ZFYVE16: variants seen among roughly 807,000 people sequenced by gnomAD.
The protein encoded by ZFYVE16 is zinc finger FYVE-type containing 16, also known as zinc finger FYVE domain-containing protein 16.
In ZFYVE16, 89 loss-of-function variants were observed where a neutral mutation model predicts 138.1. The ratio of observed to expected loss-of-function variants is 0.64; its 90% CI spans 0.54 to 0.77. The LOEUF is 0.77. Among genes scored for constraint, ZFYVE16 ranks in the 30% least tolerant of loss-of-function variants. The probability of loss-of-function intolerance (pLI) is 0.00; values close to 1 mark genes in which losing one functional copy is unlikely to be tolerated. For missense variants in ZFYVE16, 1,793 were observed against 1,786.7 expected, an observed-to-expected ratio of 1.00 and a Z score of -0.06; for synonymous variants, 596 against 618.3, an observed-to-expected ratio of 0.96 and a Z score of 0.53.
Position 80,452,820 on chromosome 5 carries a change from G to A in ZFYVE16, c.3607+1111G>A, listed in dbSNP as rs1752127636. On this transcript the variant is annotated intron_variant, in intron 11 of 18. Transcript: ENST00000505560. ...GTGATAGAGCCTGTATCATTCATGT[G>A]TATGTACGTGTGTGTATTTACTTAT... Among the ~76,000 whole-genome samples the A allele has an allele frequency of 2.0e-5, 3 of 152,102 alleles. No homozygotes were observed. The South Asian group carries it at 6.2e-4, about 31-fold the overall frequency.
intron 11 of ZFYVE16, chr5:80,454,189 C>A (rs1226596341): frequency 2.0e-5 from 3 of 152,082 alleles, no homozygotes; most frequent in African/African-American, 7.2e-5. Flanking sequence ...TGACTTAAGT[C>A]TTTAAAGCAG....
At chr5:80,427,643 A>C (rs1318250579) in intron 2 of ZFYVE16, 98 bp downstream of exon 2, 1 of 27,126 alleles carries the variant, frequency 3.7e-5, no homozygotes, top group Admixed American at 5.6e-4. Flanking sequence ...TTTTGCTCTT[A>C]GTTTATTAGT....
In ZFYVE16 at chr5:80,451,443, CAA is replaced by C. The variant is rs751414296; in HGVS notation, c.3383-39_3383-38del. Reference sequence around the variant, plus strand: ...TAAGAACATTTCTTCAAAACAATAACAAAACAACTTAAAATCTTTTTACTAAT... The same window carrying C: ...TAAGAACATTTCTTCAAAACAATAACAACAACTTAAAATCTTTTTACTAAT... On this transcript the variant is annotated intron_variant, in intron 10 of 18. Transcript: ENST00000505560. 114 of 1,499,596 alleles carry C rather than the reference CAA, an allele frequency of 7.6e-5. No homozygotes were observed. In the African/African-American group the frequency reaches 1.2e-3, roughly 16 times the overall value. 92.9% of individuals were successfully genotyped at this position (1,499,596 alleles called of 1,614,324 possible). A position where few individuals can be genotyped will look rare whatever the true frequency, so the allele number is the denominator to read the frequency against.
Position 80,437,570 on chromosome 5 carries a change from A to G in ZFYVE16, c.885A>G (p.Glu295=), listed in dbSNP as rs763202209. 1.9e-6 allele frequency: 3 copies of G among 1,614,026 alleles called. No homozygotes were observed. The African/African-American group carries it at 4.0e-5, about 22-fold the overall frequency. ...TAACTGCCGCAGAATGTTTAAAAGAAGAGGGCAAGACAAGTGCTTTGACCT... is the reference window on the plus strand; with the variant it reads ...TAACTGCCGCAGAATGTTTAAAAGAGGAGGGCAAGACAAGTGCTTTGACCT... ...AVITAAECLK[E]EGKTSALTCS... The change falls in exon 4 of 19, where the codon GAA becomes GAG. Residue 295 remains glutamate, a synonymous_variant. Coordinates refer to ENST00000505560, the MANE Select transcript of ZFYVE16 (RefSeq NM_001284236.3).
In ZFYVE16 at chr5:80,438,484, A is replaced by T. The variant is rs768401278; in HGVS notation, c.1799A>T (p.Asp600Val). ...HGINIICEIV[D>V]KQNTIENGLS... is the part of the protein sequence containing the mutation. ...ATTAATATAATTTGTGAAATAGTTG[A>T]TAAACAAAATACAATAGAAAATGGC... Residue 600 changes from aspartate to valine, a missense_variant, in exon 4 of 19, where the codon GAT becomes GTT. This residue lies in a region of ZFYVE16 where 1,295 missense variants were observed against 1,204.3 expected (regional missense o/e 1.08). Coordinates refer to ENST00000505560, the MANE Select transcript of ZFYVE16 (RefSeq NM_001284236.3). The T allele has an allele frequency of 1.9e-6, 3 of 1,613,546 alleles. No individual in the cohort carries two copies. Among genetic ancestry groups the T allele is most frequent in the Non-Finnish European group, 2.5e-6 (3 of 1,179,840 alleles).
chr5:80,472,541 G>C (rs1331992851), intron 15 of ZFYVE16, among the ~76,000 whole-genome samples: 1 of 148,222 alleles, frequency 6.7e-6, no homozygotes, highest in Non-Finnish European at 1.5e-5. Flanking sequence ...TTTCATCATA[G>C]CCAGAAGCAG....
intron 8 of ZFYVE16, among the ~76,000 whole-genome samples, chr5:80,449,304 G>A (rs1029327293): frequency 2.0e-5 from 3 of 151,988 alleles, no homozygotes; most frequent in African/African-American, 7.2e-5. Context: ...TTATAAAAAC[G>A]TTTGTCTTCA....
At chr5:80,461,721 A>T (rs533147981) in intron 15 of ZFYVE16, among the ~76,000 whole-genome samples, 2 of 152,126 alleles carry the variant, frequency 1.3e-5, no homozygotes, top group Non-Finnish European at 2.9e-5. Flanking sequence ...CACACCTGTA[A>T]TCCCAGCTCT....
intron 1 of ZFYVE16, among the ~76,000 whole-genome samples, chr5:80,414,600 T>A (rs1364512009): frequency 6.6e-6 from 1 of 152,214 alleles, no homozygotes; most frequent in African/African-American, 2.4e-5. Flanking sequence ...GCGTTTATAT[T>A]TATTCAGCAA....
At position 80,432,129 on chromosome 5, in the gene ZFYVE16, C is replaced by T. The variant is rs1471217159; in HGVS notation, c.-39-1980C>T. 2.6e-5 allele frequency among the ~76,000 whole-genome samples: 4 copies of T among 152,242 alleles called. No individual in the cohort carries two copies. The South Asian group carries it at 6.2e-4, about 24-fold the overall frequency. On this transcript the variant is annotated intron_variant, in intron 2 of 18. Coordinates refer to ENST00000505560, the MANE Select transcript of ZFYVE16 (RefSeq NM_001284236.3). ...CAAAAAAGGGCCCGCATTGCCAAGT[C>T]GATCCTAAGCCAAAAAAACAAAGCT...
At chr5:80,436,338 C>T (rs1749902001) in intron 3 of ZFYVE16, among the ~76,000 whole-genome samples, 1 of 152,082 alleles carries the variant, frequency 6.6e-6, no homozygotes, top group South Asian at 2.1e-4. Flanking sequence ...AGGAGTCCTC[C>T]CAAACAAAGC....
chr5:80,437,028 C>G lies in ZFYVE16; in HGVS notation c.343C>G (p.Gln115Glu), dbSNP rs1183020536. 6.2e-7 allele frequency: 1 copy of G among 1,614,134 alleles called. No homozygotes were observed. Among genetic ancestry groups the G allele is most frequent in the East Asian group, 2.2e-5 (1 of 44,874 alleles). The part of the protein sequence containing the change: ...SVDGGTSDEI[Q>E]PLYMGRCSKP... ...GGATGGTGGTACTTCAGATGAAATC[C>G]AGCCGTTATATATGGGACGATGTAG... Residue 115 changes from glutamine (Q) to glutamate (E), a missense_variant, in exon 4 of 19, where the codon CAG (glutamine) becomes GAG (glutamate). Gln to Glu is a conservative substitution (Grantham distance 29). Transcript: ENST00000505560.
At chr5:80,456,767 G>T (rs1752570195) in intron 13 of ZFYVE16, among the ~76,000 whole-genome samples, 178 bp from the exon 14 acceptor site, 1 of 152,086 alleles carries the variant, frequency 6.6e-6, no homozygotes, top group Non-Finnish European at 1.5e-5. Flanking sequence ...TTATTGAGGT[G>T]ATTACTGTTC....
chr5:80,442,961 G>T, intron 5 of ZFYVE16, 162 bp from the exon 6 acceptor site: 1 of 633,638 alleles, frequency 1.6e-6, no homozygotes, highest in Non-Finnish European at 2.5e-6. Context: ...GCCTGTGCTG[G>T]CTACTCAGAC....
intron 16 of ZFYVE16, 23 bp from the exon 17 acceptor site, chr5:80,473,731 T>C: frequency 6.6e-7 from 1 of 1,507,514 alleles, no homozygotes; most frequent in Non-Finnish European, 9.1e-7. Context: ...AATAATTCTA[T>C]TGTATTATGT....
intron 6 of ZFYVE16, among the ~76,000 whole-genome samples, chr5:80,444,514 C>A (rs1400518442): frequency 1.3e-5 from 2 of 149,524 alleles, no homozygotes; most frequent in African/African-American, 4.9e-5. Context: ...TCTATGGATG[C>A]TTTGTAAGAA....
intron 15 of ZFYVE16, among the ~76,000 whole-genome samples, chr5:80,468,662 T>C (rs2112531634): frequency 6.6e-6 from 1 of 152,350 alleles, no homozygotes; most frequent in African/African-American, 2.4e-5. Flanking sequence ...TCTTGATTTA[T>C]TCCTTTACCT....
intron 2 of ZFYVE16, among the ~76,000 whole-genome samples, chr5:80,432,609 A>T (rs1051763102): frequency 3.9e-5 from 6 of 152,176 alleles, no homozygotes; most frequent in Non-Finnish European, 7.3e-5. Flanking sequence ...ACTAAAGAGC[A>T]TCTGCACAGC....
At chr5:80,471,126 T>C (rs249032) in intron 15 of ZFYVE16, among the ~76,000 whole-genome samples, 132,930 of 151,968 alleles carry the variant, frequency 0.87, 58,884 homozygotes, top group Non-Finnish European at 0.94. Context: ...TATAAACGGA[T>C]GCATGGGGGG....
Sources: allele counts gnomAD v4.1 joint callset (sites outside exome capture counted in the v4.1 genomes callset), GRCh38; gene constraint gnomAD v4.1.1; regional missense constraint gnomAD v4.1.1; transcripts MANE v1.5; gene names NCBI Gene and HGNC (gene_info 2026-07-23, HGNC 2026-07-21).